The following PCDHGB1 variants were observed in gnomAD, a reference collection of about 807,000 sequenced individuals.
PCDHGB1 encodes protocadherin gamma subfamily B, 1.
Under a neutral mutation model 56.6 loss-of-function variants are expected in PCDHGB1, and 34 were observed. That is an observed-to-expected ratio of 0.60 (90% CI 0.46 to 0.80). The LOEUF is 0.80. Ranked by LOEUF, PCDHGB1 falls within the 30% of genes least tolerant of loss-of-function variation. PCDHGB1 has a pLI of 0.00. For missense variants in PCDHGB1, 1,278 were observed against 1,204.6 expected, an observed-to-expected ratio of 1.06 and a Z score of -0.90; for synonymous variants, 561 against 505.9, an observed-to-expected ratio of 1.11 and a Z score of -1.46.
chr5:141,485,682 A>G lies in PCDHGB1; in HGVS notation c.2410-9125A>G, dbSNP rs779441999. Reference sequence around the variant, plus strand: ...GTGGGGAGCAATTCGATTAGCAGCTATAGGCTGAGCTCCAATGAACACTTT... The same window carrying G: ...GTGGGGAGCAATTCGATTAGCAGCTGTAGGCTGAGCTCCAATGAACACTTT... On this transcript the variant is annotated intron_variant, in intron 1 of 3. Coordinates refer to ENST00000523390, the MANE Select transcript of PCDHGB1 (RefSeq NM_018922.3). This position sits in a 1 kb window ranked among gnomAD's most constrained non-coding sequence, Gnocchi z 5.7. 6.2e-7 allele frequency: 1 copy of G among 1,614,076 alleles called. No homozygotes were observed. Among genetic ancestry groups the G allele is most frequent in the Non-Finnish European group, 8.5e-7 (1 of 1,179,964 alleles).
chr5:141,509,157 C>T lies in PCDHGB1; in HGVS notation c.2558-1790C>T, dbSNP rs369133984. Among the ~76,000 whole-genome samples the T allele has an allele frequency of 2.6e-4, 40 of 152,314 alleles. No individual in the cohort carries two copies. In the South Asian group the frequency reaches 7.0e-3, roughly 27 times the overall value. On this transcript the variant is annotated intron_variant, in intron 3 of 3. Transcript: ENST00000523390. The stretch of plus-strand genomic sequence containing the variant: ...GAGGCGCATCCCGGCTCTCCCCTCC[C>T]GTGTGCCCTCCTCCTCTTATGCCGG...
At chr5:141,501,290 T>TACACACACAC (rs55762287) in intron 2 of PCDHGB1, among the ~76,000 whole-genome samples, 12 of 136,162 alleles carry the variant, frequency 8.8e-5, no homozygotes, top group Admixed American at 4.7e-4. Context: ...TATTCCCTTA[T>TACACACACAC]ACACACACAC....
chr5:141,354,356 T>A (rs894470317), intron 1 of PCDHGB1, among the ~76,000 whole-genome samples: 1 of 152,218 alleles, frequency 6.6e-6, no homozygotes. Context: ...GAGAACACAT[T>A]GTGAACAAGA....
intron 1 of PCDHGB1, among the ~76,000 whole-genome samples, chr5:141,467,789 G>A (rs1264350552): frequency 6.6e-6 from 1 of 152,066 alleles, no homozygotes; most frequent in Non-Finnish European, 1.5e-5. Context: ...CTCTCAAGTA[G>A]CTGGGACTAC....
At chr5:141,458,100 A>AT (rs2098937418) in intron 1 of PCDHGB1, among the ~76,000 whole-genome samples, 1 of 152,252 alleles carries the variant, frequency 6.6e-6, no homozygotes, top group Non-Finnish European at 1.5e-5. Context: ...GAGTACTTAC[A>AT]GATAGTCTCC....
intron 1 of PCDHGB1, chr5:141,418,608 G>A (rs1265400499): frequency 6.2e-7 from 1 of 1,614,040 alleles, no homozygotes; most frequent in Admixed American, 1.7e-5. Flanking sequence ...TACAGGGTTA[G>A]CCTTCGGGAA....
intron 1 of PCDHGB1, among the ~76,000 whole-genome samples, chr5:141,359,718 C>T (rs1296049505): frequency 6.6e-6 from 1 of 152,132 alleles, no homozygotes; most frequent in African/African-American, 2.4e-5. Flanking sequence ...GAAACTTTAA[C>T]ACTCATTTCC....
chr5:141,494,251 G>C (rs961451413), intron 1 of PCDHGB1, among the ~76,000 whole-genome samples: 2 of 152,214 alleles, frequency 1.3e-5, no homozygotes, highest in African/African-American at 4.8e-5. Context: ...TTAGCTGTGG[G>C]AAGAGATTCT....
chr5:141,365,354 G>A, intron 1 of PCDHGB1: 1 of 1,613,932 alleles, frequency 6.2e-7, no homozygotes, highest in Non-Finnish European at 8.5e-7. Flanking sequence ...GGACGTGAAT[G>A]ACAATGCCCC....
chr5:141,397,805 A>G (rs1015155491), intron 1 of PCDHGB1, among the ~76,000 whole-genome samples: 1 of 152,236 alleles, frequency 6.6e-6, no homozygotes, highest in African/African-American at 2.4e-5. Flanking sequence ...TAAGTTAGGC[A>G]CACAAAAACA....
chr5:141,375,522 A>C, intron 1 of PCDHGB1: 1 of 1,614,010 alleles, frequency 6.2e-7, no homozygotes, highest in Non-Finnish European at 8.5e-7. Flanking sequence ...CTGGACCCTG[A>C]CGTGGACCAG....
intron 1 of PCDHGB1, among the ~76,000 whole-genome samples, chr5:141,454,195 T>C (rs1295815862): frequency 6.6e-6 from 1 of 152,136 alleles, no homozygotes; most frequent in Admixed American, 6.6e-5. Context: ...TTAGTGAAGG[T>C]GAATTTATTG....
intron 1 of PCDHGB1, among the ~76,000 whole-genome samples, chr5:141,450,812 T>A (rs2098694727): frequency 7.5e-6 from 1 of 133,924 alleles, no homozygotes; most frequent in Admixed American, 7.4e-5. Context: ...ATTTATTTAT[T>A]TAATATTATT....
chr5:141,383,424 T>A, intron 1 of PCDHGB1: 1 of 1,613,978 alleles, frequency 6.2e-7, no homozygotes, highest in Non-Finnish European at 8.5e-7. Context: ...TCAGCCCCAA[T>A]CGCCACTTCT....
intron 1 of PCDHGB1, among the ~76,000 whole-genome samples, chr5:141,402,220 C>T (rs1489596372): frequency 2.0e-5 from 3 of 151,886 alleles, no homozygotes; most frequent in African/African-American, 2.4e-5. Context: ...TTAAAATAAA[C>T]GTTTTTCCAG....
chr5:141,426,238 T>C, intron 1 of PCDHGB1: 1 of 158,644 alleles, frequency 6.3e-6, no homozygotes, highest in Admixed American at 5.9e-5. Context: ...AAGCACTTTG[T>C]GAAACATTTT....
At chr5:141,361,542 C>G in intron 1 of PCDHGB1, 1 of 1,614,054 alleles carries the variant, frequency 6.2e-7, no homozygotes, top group Non-Finnish European at 8.5e-7. Flanking sequence ...CTCCTGGCGC[C>G]TCTATCGCTC....
chr5:141,375,819 C>T, intron 1 of PCDHGB1: 2 of 1,614,190 alleles, frequency 1.2e-6, no homozygotes, highest in Admixed American at 1.7e-5. Context: ...GAGCTGGCGC[C>T]CCGCTCCGCA....
chr5:141,462,423 G>A (rs1367388191), intron 1 of PCDHGB1, among the ~76,000 whole-genome samples: 1 of 151,820 alleles, frequency 6.6e-6, no homozygotes, highest in East Asian at 1.9e-4. Context: ...GTCTATCTTG[G>A]TGAGTGTTGC....
Sources: gnomAD v4.1 joint callset for allele counts (sites outside exome capture counted in the v4.1 genomes callset) on GRCh38, gnomAD v4.1.1 for gene constraint, Gnocchi (gnomAD v3.1) non-coding constraint, MANE v1.5 for transcripts, NCBI Gene and HGNC (gene_info 2026-07-23, HGNC 2026-07-21) for gene names.